The following PCDHGB5 variants were observed in gnomAD, a reference collection of about 807,000 sequenced individuals.
PCDHGB5 encodes the protein protocadherin gamma subfamily B, 5.
A neutral mutation model predicts 62.9 loss-of-function variants in PCDHGB5; 48 were observed. The ratio of observed to expected loss-of-function variants is 0.76; its 90% CI spans 0.61 to 0.97. PCDHGB5 has a LOEUF of 0.97. Among genes scored for constraint, PCDHGB5 ranks in the 50% least tolerant of loss-of-function variants. The pLI is 0.00. For missense variants in PCDHGB5, 1,118 were observed against 1,198.6 expected (o/e 0.93, Z 0.99); for synonymous variants, 474 against 511.2 (o/e 0.93, Z 0.98).
intron 1 of PCDHGB5, among the ~76,000 whole-genome samples, chr5:141,482,689 C>T (rs145383957): frequency 7.1e-6 from 1 of 140,984 alleles, no homozygotes; most frequent in East Asian, 1.9e-4. Flanking sequence ...GCTTGTCAGA[C>T]AGTAAAGGGG....
intron 1 of PCDHGB5, chr5:141,408,855 G>A: frequency 6.2e-7 from 1 of 1,613,572 alleles, no homozygotes; most frequent in Non-Finnish European, 8.5e-7. Flanking sequence ...TTGGACGGAG[G>A]GGACCCACCA....
chr5:141,511,537 A>C lies in PCDHGB5; in HGVS notation c.*364A>C. 6.3e-6 allele frequency: 2 copies of C among 319,254 alleles called. No individual in the cohort carries two copies. The highest frequency in any genetic ancestry group is 6.7e-5 in the South Asian group (2 of 29,854). 19.8% of individuals were successfully genotyped at this position (319,254 alleles called of 1,614,324 possible). A position where few individuals can be genotyped will look rare whatever the true frequency, so the allele number is the denominator to read the frequency against. On this transcript the variant is annotated 3_prime_UTR_variant, in exon 4 of 4. Transcript: ENST00000617380. ...TCCATCCCATGCCTCCCTCCTCCCC[A>C]CCCCACTCCAACAGTTCCTCTTTCC... is the stretch of plus-strand genomic sequence containing the variant.
chr5:141,404,600 CTGTT>C (rs901473063), intron 1 of PCDHGB5: 9 of 1,613,938 alleles, frequency 5.6e-6, no homozygotes, highest in East Asian at 2.2e-5. Flanking sequence ...GTCATTGAGA[CTGTT>C]TGTTTTGGAC....
rs745612756 is a variant in PCDHGB5 at position 141,487,150 on chromosome 5, T to C, written c.2398-7657T>C. The C allele has an allele frequency of 1.1e-5, 17 of 1,613,960 alleles. No individual in the cohort carries two copies. In the South Asian group the frequency reaches 1.6e-4, roughly 16 times the overall value. On this transcript the variant is annotated intron_variant, in intron 1 of 3. Transcript: ENST00000617380. This position sits in a 1 kb window ranked among gnomAD's most constrained non-coding sequence, Gnocchi z 5.0. The stretch of plus-strand genomic sequence containing the variant: ...GTAGTCCACCACTCTCTACCTCTGT[T>C]ACTCTCTTAGTGTCCTTAGAGGAAG...
Position 141,429,458 on chromosome 5 carries a change from T to C in PCDHGB5, c.2397+28934T>C, listed in dbSNP as rs561407449. 1.6e-4 allele frequency among the ~76,000 whole-genome samples: 25 copies of C among 152,210 alleles called. 1 individual carries two copies. The South Asian group carries it at 4.6e-3, about 28-fold the overall frequency. ...TCAAACTCTTGGGCTACAGTAATCC[T>C]CCCACCTCAATCTCCAGAGTAGCTG... On this transcript the variant is annotated intron_variant, in intron 1 of 3. Transcript: ENST00000617380.
intron 1 of PCDHGB5, among the ~76,000 whole-genome samples, chr5:141,446,891 C>T (rs1457416718): frequency 6.6e-6 from 1 of 152,152 alleles, no homozygotes; most frequent in South Asian, 2.1e-4. Context: ...GGGTTCATGG[C>T]TGAGCTACTT....
rs756294828 is a variant in PCDHGB5, at chr5:141,417,904, G to A, written c.2397+17380G>A. 2.5e-6 allele frequency: 4 copies of A among 1,591,934 alleles called. No homozygotes were observed. The South Asian group carries it at 3.4e-5, about 13-fold the overall frequency. On this transcript the variant is annotated intron_variant, in intron 1 of 3. Transcript: ENST00000617380. Reference sequence around the variant, plus strand: ...AGAGGCGCCGGGCCGGCCCGCGGCAGGTACTATTTCCTTTGCTGCTGCCTT... The same window carrying A: ...AGAGGCGCCGGGCCGGCCCGCGGCAAGTACTATTTCCTTTGCTGCTGCCTT...
At position 141,511,140 on chromosome 5, in the gene PCDHGB5, C is replaced by G. The variant is rs1405623579; in HGVS notation, c.2739C>G (p.Asn913Lys). Residue 913 changes from asparagine (N) to lysine (K), a missense_variant, in exon 4 of 4, where the codon AAC becomes AAG. Physicochemically the swap from Asn to Lys is moderately conservative, Grantham distance 94. Transcript: ENST00000617380. ...AGGCCCCAGCAGGTGGCAATGGCAACAAGAAGAAGTCGGGCAAGAAGGAGA... is the reference window on the plus strand; with the variant it reads ...AGGCCCCAGCAGGTGGCAATGGCAAGAAGAAGAAGTCGGGCAAGAAGGAGA... Reference protein sequence around the residue: ...DGKAPAGGNGNKKKSGKKEKK With the variant: ...DGKAPAGGNGKKKKSGKKEKK 2.5e-6 allele frequency: 4 copies of G among 1,614,068 alleles called. No homozygotes were observed. Among genetic ancestry groups the G allele is most frequent in the Admixed American group, 1.7e-5 (1 of 60,008 alleles).
intron 1 of PCDHGB5, among the ~76,000 whole-genome samples, chr5:141,444,256 C>T (rs1445343718): frequency 2.1e-5 from 3 of 146,298 alleles, no homozygotes; most frequent in African/African-American, 5.1e-5. Context: ...ACTGCAACCT[C>T]CGCCTCCCAG....
At position 141,432,644 on chromosome 5, in the gene PCDHGB5, G is replaced by A; in HGVS notation, c.2397+32120G>A. The A allele has an allele frequency of 1.2e-6, 2 of 1,613,812 alleles. No homozygotes were observed. The highest frequency in any genetic ancestry group is 1.7e-6 in the Non-Finnish European group (2 of 1,179,942). ...TCTGCACACGGGCGAGGTGCGCACG[G>A]CGCGAGCCCTGCTGGACAGAGACGC... On this transcript the variant is annotated intron_variant, in intron 1 of 3. Coordinates refer to ENST00000617380, the MANE Select transcript of PCDHGB5 (RefSeq NM_018925.3). The surrounding 1 kb of genome is among the most constrained non-coding windows in gnomAD (Gnocchi z 6.0).
Position 141,423,275 on chromosome 5 carries a change from C to T in PCDHGB5, c.2397+22751C>T. 1.2e-6 allele frequency: 2 copies of T among 1,614,012 alleles called. No homozygotes were observed. The highest frequency in any genetic ancestry group is 1.7e-6 in the Non-Finnish European group (2 of 1,179,970). ...GACCTCGGCAGCCTCGAGTCTCTGGCTAACTCTGAAACCTCAGACCTCTCG... is the reference window on the plus strand; with the variant it reads ...GACCTCGGCAGCCTCGAGTCTCTGGTTAACTCTGAAACCTCAGACCTCTCG... On this transcript the variant is annotated intron_variant, in intron 1 of 3. Transcript: ENST00000617380.
chr5:141,404,103 G>C lies in PCDHGB5; in HGVS notation c.2397+3579G>C, dbSNP rs773489391. 14 of 1,613,372 alleles carry C rather than the reference G, an allele frequency of 8.7e-6. No homozygotes were observed. In the East Asian group the frequency reaches 2.9e-4, roughly 33 times the overall value. On this transcript the variant is annotated intron_variant, in intron 1 of 3. Transcript: ENST00000617380. ...TCCGGGAAGAATGGTCAAGTTGTCT[G>C]TTCTATCCAGGAGAATCTATCTTTT...
chr5:141,479,269 A>C (rs1279389471), intron 1 of PCDHGB5: 1 of 152,374 alleles, frequency 6.6e-6, no homozygotes, highest in Non-Finnish European at 1.5e-5. Context: ...TAAAAGTAAT[A>C]ATTTATTTCA....
Position 141,485,575 on chromosome 5 carries a change from G to C in PCDHGB5, c.2398-9232G>C, listed in dbSNP as rs1200831125. On this transcript the variant is annotated intron_variant, in intron 1 of 3. Coordinates refer to ENST00000617380, the MANE Select transcript of PCDHGB5 (RefSeq NM_018925.3). This position sits in a 1 kb window ranked among gnomAD's most constrained non-coding sequence, Gnocchi z 5.7. ...TGAATGATCACGCCCCCCGTTTTCC[G>C]CGGCAGCAGCTGGACTTGGAAATTG... 2 of 1,612,496 alleles carry C rather than the reference G, an allele frequency of 1.2e-6. No homozygotes were observed. The highest frequency in any genetic ancestry group is 2.7e-5 in the African/African-American group (2 of 74,918).
intron 2 of PCDHGB5, among the ~76,000 whole-genome samples, chr5:141,501,334 C>T (rs1462003251): frequency 6.9e-6 from 1 of 145,376 alleles, no homozygotes; most frequent in Non-Finnish European, 1.5e-5. Context: ...CACACACACA[C>T]CCCAAACTCA....
chr5:141,433,571 C>T lies in PCDHGB5; in HGVS notation c.2397+33047C>T, dbSNP rs2097625242. ...TCTTTTCTGGCTGGGCGCGGTGGCT[C>T]ACGCCTGTAATCCCAGTACTTTGGG... On this transcript the variant is annotated intron_variant, in intron 1 of 3. Coordinates refer to ENST00000617380, the MANE Select transcript of PCDHGB5 (RefSeq NM_018925.3). 3.9e-5 allele frequency among the ~76,000 whole-genome samples: 6 copies of T among 152,228 alleles called. No homozygotes were observed. The South Asian group carries it at 1.2e-3, about 32-fold the overall frequency.
chr5:141,479,469 C>T lies in PCDHGB5; in HGVS notation c.2398-15338C>T, dbSNP rs1218436564. 8 of 152,344 alleles carry T rather than the reference C, an allele frequency of 5.3e-5. No homozygotes were observed. In the East Asian group the frequency reaches 1.5e-3, roughly 29 times the overall value. 9.4% of individuals were successfully genotyped at this position (152,344 alleles called of 1,614,324 possible). On this transcript the variant is annotated intron_variant, in intron 1 of 3. Transcript: ENST00000617380. ...AAGTTCAGCATGAATACAGTGACCT[C>T]TTGGGAGGGCAGGACCATCAGGTTG...
chr5:141,432,178 T>C lies in PCDHGB5; in HGVS notation c.2397+31654T>C. Reference sequence around the variant, plus strand: ...ATCCCAGAGGAGTTTCCCTCGTCTCTGTGACCGCCCACGACCCCGACTGTG... The same window carrying C: ...ATCCCAGAGGAGTTTCCCTCGTCTCCGTGACCGCCCACGACCCCGACTGTG... On this transcript the variant is annotated intron_variant, in intron 1 of 3. Transcript: ENST00000617380. The surrounding 1 kb of genome is among the most constrained non-coding windows in gnomAD (Gnocchi z 6.0). 6.2e-7 allele frequency: 1 copy of C among 1,614,184 alleles called. No individual in the cohort carries two copies. The highest frequency in any genetic ancestry group is 8.5e-7 in the Non-Finnish European group (1 of 1,180,036).
chr5:141,413,365 G>A (rs1046513869), intron 1 of PCDHGB5: 14 of 1,614,000 alleles, frequency 8.7e-6, no homozygotes, highest in Non-Finnish European at 1.2e-5. Flanking sequence ...CCGGGAGCTG[G>A]CGGAGCGCGG....
Sources: gnomAD v4.1 joint callset for allele counts (sites outside exome capture counted in the v4.1 genomes callset) on GRCh38, gnomAD v4.1.1 for gene constraint, Gnocchi (gnomAD v3.1) non-coding constraint, MANE v1.5 for transcripts, NCBI Gene and HGNC (gene_info 2026-07-23, HGNC 2026-07-21) for gene names.